Variants in ERC1 observed in about 807,000 individuals in gnomAD.
ERC1 encodes ELKS/RAB6-interacting/CAST family member 1.
Under a neutral mutation model 132.0 loss-of-function variants are expected in ERC1, and 56 were observed. That is an observed-to-expected ratio of 0.42 (90% CI 0.34 to 0.53). The LOEUF (loss-of-function observed/expected upper bound fraction) is 0.53. ERC1 is among the 20% of genes least tolerant of loss of function. ERC1 has a pLI of 0.03. For synonymous variants in ERC1, 478 were observed against 476.1 expected (o/e 1.00, Z -0.05); for missense variants, 1,202 against 1,349.9 (o/e 0.89, Z 1.72).
At chr12:1,126,743 C>T (rs945665775) in intron 7 of ERC1, among the ~76,000 whole-genome samples, 4 of 151,746 alleles carry the variant, frequency 2.6e-5, no homozygotes, top group African/African-American at 9.7e-5. Context: ...TAATCCCAGC[C>T]CTTTGGGAGG....
chr12:1,101,023 G>A (rs1944598673), intron 3 of ERC1, among the ~76,000 whole-genome samples: 1 of 152,130 alleles, frequency 6.6e-6, no homozygotes, highest in Non-Finnish European at 1.5e-5. Context: ...AAGAGGGATT[G>A]AGCAGTTGGG....
chr12:1,450,310 TAA>T, intron 18 of ERC1, among the ~76,000 whole-genome samples: 1 of 152,332 alleles, frequency 6.6e-6, no homozygotes, highest in South Asian at 2.1e-4. Flanking sequence ...CCATACCTGT[TAA>T]ACAGTAACTC....
chr12:1,314,054 A>G (rs1301210676), intron 15 of ERC1, among the ~76,000 whole-genome samples: 1 of 152,146 alleles, frequency 6.6e-6, no homozygotes, highest in African/African-American at 2.4e-5. Flanking sequence ...GGGTATGGTG[A>G]GTCTATGTTG....
At chr12:1,074,603 C>G (rs1941035579) in intron 2 of ERC1, among the ~76,000 whole-genome samples, 1 of 152,118 alleles carries the variant, frequency 6.6e-6, no homozygotes, top group Non-Finnish European at 1.5e-5. Flanking sequence ...ACCACATTTT[C>G]ATTTATTCTT....
At chr12:1,427,419 C>CT (rs928242741) in intron 17 of ERC1, among the ~76,000 whole-genome samples, 4 of 152,214 alleles carry the variant, frequency 2.6e-5, no homozygotes, top group Admixed American at 2.6e-4. Context: ...CCGATGCAAT[C>CT]TCAGTGAATA....
chr12:1,456,051 C>G (rs540397795), intron 18 of ERC1, among the ~76,000 whole-genome samples: 2 of 152,146 alleles, frequency 1.3e-5, no homozygotes, highest in Admixed American at 1.3e-4. Context: ...TATGGGCCTC[C>G]TATGGCTCTC....
At chr12:1,480,729 T>G (rs2094072943) in intron 18 of ERC1, 11 of 658,248 alleles carry the variant, frequency 1.7e-5, no homozygotes, top group Non-Finnish European at 3.1e-5. Context: ...TAAGCAGGTG[T>G]GGGAGGGGGT....
chr12:989,990 G>T (rs61742296), upstream of ERC1: 1 of 152,208 alleles, frequency 6.6e-6, no homozygotes, highest in African/African-American at 2.4e-5. Flanking sequence ...AGTACTGAAG[G>T]GGGAGATGAC....
intron 15 of ERC1, among the ~76,000 whole-genome samples, chr12:1,344,365 G>C (rs183298643): frequency 1.6e-4 from 25 of 152,228 alleles, no homozygotes; most frequent in Non-Finnish European, 2.2e-4. Context: ...TGGGAGAAAG[G>C]GGGGAAAGAG....
chr12:1,465,167 A>G (rs1043507697), intron 18 of ERC1, among the ~76,000 whole-genome samples: 1 of 152,108 alleles, frequency 6.6e-6, no homozygotes, highest in African/African-American at 2.4e-5. Flanking sequence ...TCCAGAGATG[A>G]TGCTCCCCCA....
At chr12:1,219,533 C>G (rs920578455) in intron 12 of ERC1, among the ~76,000 whole-genome samples, 15 of 152,230 alleles carry the variant, frequency 9.9e-5, no homozygotes, top group African/African-American at 3.6e-4. Context: ...CTCTATGAAC[C>G]ATTATCCGTT....
chr12:1,370,730 T>G (rs1385258427), intron 15 of ERC1, among the ~76,000 whole-genome samples: 2 of 152,232 alleles, frequency 1.3e-5, no homozygotes, highest in African/African-American at 2.4e-5. Context: ...AATTTTTATT[T>G]ATTCTTTTTG....
chr12:1,327,956 C>T lies in ERC1; in HGVS notation c.2780+37944C>T, dbSNP rs1419692774. Among the ~76,000 whole-genome samples, 3 of 152,036 alleles carry T rather than the reference C, an allele frequency of 2.0e-5. No homozygotes were observed. In the East Asian group the frequency reaches 5.8e-4, roughly 29 times the overall value. On this transcript the variant is annotated intron_variant, in intron 15 of 18. Transcript: ENST00000360905. ...GTTCCTAACAACTTTTTTTCCCTTG[C>T]CTCTCATAGCTTTTTCAACCTTTGA...
At chr12:1,114,052 T>C (rs1019762535) in intron 6 of ERC1, among the ~76,000 whole-genome samples, 12 of 152,178 alleles carry the variant, frequency 7.9e-5, no homozygotes, top group African/African-American at 2.6e-4. Flanking sequence ...TGAGACAGAG[T>C]CTTTCTCTGT....
intron 8 of ERC1, among the ~76,000 whole-genome samples, chr12:1,154,358 C>T (rs1317621911): frequency 7.8e-6 from 1 of 128,686 alleles, no homozygotes; most frequent in East Asian, 2.0e-4. Flanking sequence ...TGTTTATACA[C>T]ACACACACAC....
chr12:1,184,360 T>C (rs949094159), intron 11 of ERC1, among the ~76,000 whole-genome samples: 1 of 152,174 alleles, frequency 6.6e-6, no homozygotes, highest in Non-Finnish European at 1.5e-5. Context: ...TAGCAACTTA[T>C]TGGGCCTAGA....
At chr12:1,198,565 T>C (rs550464877) in intron 12 of ERC1, among the ~76,000 whole-genome samples, 1 of 152,342 alleles carries the variant, frequency 6.6e-6, no homozygotes, top group East Asian at 1.9e-4. Flanking sequence ...TCTTCTTTGC[T>C]AACCATCTTT....
At chr12:1,428,158 A>G (rs1014067800) in intron 17 of ERC1, among the ~76,000 whole-genome samples, 7 of 152,124 alleles carry the variant, frequency 4.6e-5, no homozygotes, top group Admixed American at 2.0e-4. Context: ...TATTTGTGGT[A>G]TTATTTGTGA....
At chr12:1,450,311 A>T (rs966706692) in intron 18 of ERC1, among the ~76,000 whole-genome samples, 4 of 152,182 alleles carry the variant, frequency 2.6e-5, no homozygotes, top group African/African-American at 9.7e-5. Flanking sequence ...CATACCTGTT[A>T]AACAGTAACT....
Sources: gnomAD v4.1 joint callset for allele counts (sites outside exome capture counted in the v4.1 genomes callset) on GRCh38, gnomAD v4.1.1 for gene constraint, MANE v1.5 for transcripts, NCBI Gene and HGNC (gene_info 2026-07-23, HGNC 2026-07-21) for gene names.